The following VTI1A variants were observed in gnomAD, a reference collection of about 807,000 sequenced individuals.
The protein encoded by VTI1A is vesicle transport through interaction with t-SNAREs 1A.
In VTI1A, 22 loss-of-function variants were observed where a neutral mutation model predicts 34.9. The observed-to-expected ratio is 0.63, with a 90% CI of 0.45 to 0.90. VTI1A has a LOEUF of 0.90. Among genes scored for constraint, VTI1A ranks in the 40% least tolerant of loss-of-function variants. The pLI is 0.00. For synonymous variants in VTI1A, 87 were observed against 97.3 expected (o/e 0.89, Z 0.62); for missense variants, 268 against 275.6 (o/e 0.97, Z 0.20).
intron 7 of VTI1A, among the ~76,000 whole-genome samples, chr10:112,704,704 C>T (rs1849131572): frequency 6.6e-6 from 1 of 152,142 alleles, no homozygotes; most frequent in African/African-American, 2.4e-5. Context: ...TTGTCACACT[C>T]TCTAATTGGT....
intron 7 of VTI1A, among the ~76,000 whole-genome samples, chr10:112,712,943 G>A (rs139370847): frequency 9.8e-4 from 150 of 152,328 alleles, no homozygotes; most frequent in Non-Finnish European, 1.7e-3. Flanking sequence ...TGCTGCAAAT[G>A]TGGGGAGGCC....
intron 4 of VTI1A, among the ~76,000 whole-genome samples, chr10:112,534,923 C>T (rs985874473): frequency 6.6e-6 from 1 of 152,142 alleles, no homozygotes; most frequent in African/African-American, 2.4e-5. Flanking sequence ...GAAGAAACTA[C>T]GTGAAGCCCT....
chr10:112,761,541 C>T (rs1851463199), intron 7 of VTI1A, among the ~76,000 whole-genome samples: 1 of 152,152 alleles, frequency 6.6e-6, no homozygotes. Context: ...CTTACTCTCA[C>T]TAATAATGCC....
At chr10:112,701,520 A>T (rs1849009550) in intron 7 of VTI1A, among the ~76,000 whole-genome samples, 1 of 152,212 alleles carries the variant, frequency 6.6e-6, no homozygotes, top group Non-Finnish European at 1.5e-5. Context: ...GCATTTCCCT[A>T]TGTTGAGGCT....
chr10:112,457,776 C>G (rs959924304), intron 1 of VTI1A, among the ~76,000 whole-genome samples: 1 of 152,072 alleles, frequency 6.6e-6, no homozygotes, highest in African/African-American at 2.4e-5. Context: ...TGAAAGATGG[C>G]CTGAAAAATA....
chr10:112,681,141 C>A (rs947735732), intron 7 of VTI1A, among the ~76,000 whole-genome samples: 25 of 150,068 alleles, frequency 1.7e-4, no homozygotes, highest in African/African-American at 5.4e-4. Context: ...AGTGGCCCAA[C>A]AATAGCTCAC....
At chr10:112,709,030 AT>A (rs1345963125) in intron 7 of VTI1A, among the ~76,000 whole-genome samples, 4 of 151,986 alleles carry the variant, frequency 2.6e-5, no homozygotes, top group Non-Finnish European at 2.9e-5. Context: ...TCTATTGTCA[AT>A]TTTCTTAGGG....
At chr10:112,626,856 C>T (rs928716760) in intron 5 of VTI1A, among the ~76,000 whole-genome samples, 2 of 152,140 alleles carry the variant, frequency 1.3e-5, no homozygotes, top group African/African-American at 4.8e-5. Flanking sequence ...TTTTTAAATT[C>T]ACACAAATGC....
Position 112,509,655 on chromosome 10 carries a change from A to G in VTI1A, c.265-17432A>G, listed in dbSNP as rs528657870. Reference sequence around the variant, plus strand: ...CCTGTCAGAGGAGTTGGAAAATTAGATGGATGAAGAAAAGTCCTGGGATCA... The same window carrying G: ...CCTGTCAGAGGAGTTGGAAAATTAGGTGGATGAAGAAAAGTCCTGGGATCA... On this transcript the variant is annotated intron_variant, in intron 3 of 7. Transcript: ENST00000393077. 1.0e-3 allele frequency among the ~76,000 whole-genome samples: 154 copies of G among 152,170 alleles called. 2 individuals carry two copies. The highest frequency in any genetic ancestry group is 1.9e-3 in the Non-Finnish European group (127 of 68,022).
At chr10:112,746,993 T>G (rs1035770807) in intron 7 of VTI1A, among the ~76,000 whole-genome samples, 2 of 152,210 alleles carry the variant, frequency 1.3e-5, no homozygotes, top group Admixed American at 6.5e-5. Context: ...ATGAAGACAG[T>G]GAGACTCAGA....
chr10:112,447,102 T>C, upstream of VTI1A: 1 of 475,684 alleles, frequency 2.1e-6, no homozygotes, highest in Non-Finnish European at 3.9e-6. Flanking sequence ...TACGCTTTTC[T>C]GGGGGGAGGC....
In VTI1A at chr10:112,545,166, G is replaced by T. The variant is rs75264122; in HGVS notation, c.427+6836G>T. ...GAAAAATTATAAGCTGGCTTAAAAG[G>T]CATTTTGGAACAAAGAGCTTGAAAT... On this transcript the variant is annotated intron_variant, in intron 5 of 7. Coordinates refer to ENST00000393077, the MANE Select transcript of VTI1A (RefSeq NM_145206.4). 3.3e-3 allele frequency among the ~76,000 whole-genome samples: 506 copies of T among 152,344 alleles called. 4 individuals are homozygous for T. The highest frequency in any genetic ancestry group is 0.012 in the African/African-American group (482 of 41,588).
chr10:112,474,215 C>A (rs1848201110), intron 3 of VTI1A, among the ~76,000 whole-genome samples: 2 of 152,070 alleles, frequency 1.3e-5, no homozygotes, highest in African/African-American at 4.8e-5. Context: ...GTGCCCGCCA[C>A]CACACCTGGC....
At chr10:112,805,767 C>T (rs1279429428) in intron 7 of VTI1A, among the ~76,000 whole-genome samples, 1 of 152,176 alleles carries the variant, frequency 6.6e-6, no homozygotes, top group East Asian at 1.9e-4. Context: ...AGATAGCTGA[C>T]AACCCACCAG....
At position 112,456,351 on chromosome 10, in the gene VTI1A, G is replaced by A. The variant is rs1847524351; in HGVS notation, c.95-4173G>A. Among the ~76,000 whole-genome samples the A allele has an allele frequency of 2.0e-5, 3 of 150,160 alleles. 1 individual carries two copies. The highest frequency in any genetic ancestry group is 4.2e-4 in the South Asian group (2 of 4,766). ...GCAGGAGAACCACTTGAACCTGGGA[G>A]GTGGAGGTTGCCGTGAGCCAAGATT... On this transcript the variant is annotated intron_variant, in intron 1 of 7. Coordinates refer to ENST00000393077, the MANE Select transcript of VTI1A (RefSeq NM_145206.4).
chr10:112,598,496 C>G (rs948545283), intron 5 of VTI1A, among the ~76,000 whole-genome samples: 4 of 152,182 alleles, frequency 2.6e-5, no homozygotes, highest in African/African-American at 4.8e-5. Context: ...TATTTAGAGG[C>G]CTTTGTAGCC....
At chr10:112,548,690 TC>T (rs758232630) in intron 5 of VTI1A, 65 of 1,252,808 alleles carry the variant, frequency 5.2e-5, no homozygotes, top group Non-Finnish European at 7.1e-5. Flanking sequence ...AGCCTTCTTG[TC>T]CACTGCTTTG....
chr10:112,711,261 C>T (rs911368024), intron 7 of VTI1A, among the ~76,000 whole-genome samples: 2 of 152,176 alleles, frequency 1.3e-5, no homozygotes, highest in African/African-American at 4.8e-5. Flanking sequence ...ATAGCCCTTA[C>T]CAAGGAGTAA....
intron 3 of VTI1A, among the ~76,000 whole-genome samples, chr10:112,469,959 C>G (rs1168062814): frequency 6.6e-6 from 1 of 152,202 alleles, no homozygotes. Flanking sequence ...TGTGGGCTCC[C>G]CCTCCGTGTG....
Sources: gnomAD v4.1 joint callset for allele counts (sites outside exome capture counted in the v4.1 genomes callset) on GRCh38, gnomAD v4.1.1 for gene constraint, MANE v1.5 for transcripts, NCBI Gene and HGNC (gene_info 2026-07-23, HGNC 2026-07-21) for gene names.